Variants in ALPK2 observed in about 807,000 individuals in gnomAD.
ALPK2 encodes the protein alpha-protein kinase 2.
A neutral mutation model predicts 163.1 loss-of-function variants in ALPK2; 127 were observed. The ratio of observed to expected loss-of-function variants is 0.78; its 90% CI spans 0.67 to 0.90. The LOEUF (loss-of-function observed/expected upper bound fraction) is 0.90. Among genes scored for constraint, ALPK2 ranks in the 40% least tolerant of loss-of-function variants. The probability of loss-of-function intolerance (pLI) is 0.00; values close to 1 mark genes in which losing one functional copy is unlikely to be tolerated. For missense variants in ALPK2, 2,360 were observed against 2,589.6 expected (o/e 0.91, Z 1.92); for synonymous variants, 953 against 959.1 (o/e 0.99, Z 0.12).
chr18:58,616,571 G>A (rs1371300701), intron 1 of ALPK2, among the ~76,000 whole-genome samples: 3 of 152,200 alleles, frequency 2.0e-5, no homozygotes, highest in Non-Finnish European at 4.4e-5. Context: ...AAAGGACAGG[G>A]TCTGGGGAGC....
intron 4 of ALPK2, chr18:58,544,222 G>A (rs955841560): frequency 2.0e-5 from 3 of 152,118 alleles, no homozygotes; most frequent in African/African-American, 4.8e-5. Context: ...GAAACTTAAC[G>A]CTTGAATAGC....
intron 12 of ALPK2, among the ~76,000 whole-genome samples, chr18:58,486,857 T>A (rs2051341432): frequency 6.6e-6 from 1 of 152,214 alleles, no homozygotes; most frequent in Non-Finnish European, 1.5e-5. Flanking sequence ...TGTTCTTAGA[T>A]TGATTATCCC....
At chr18:58,557,437 G>T (rs991083731) in intron 4 of ALPK2, among the ~76,000 whole-genome samples, 28 of 152,058 alleles carry the variant, frequency 1.8e-4, no homozygotes, top group Non-Finnish European at 3.7e-4. Flanking sequence ...ATGGTGATGT[G>T]TCAATGTAGG....
chr18:58,518,724 C>A (rs1425642441), intron 8 of ALPK2, among the ~76,000 whole-genome samples: 2 of 152,184 alleles, frequency 1.3e-5, no homozygotes, highest in African/African-American at 4.8e-5. Flanking sequence ...CAGCCATTAA[C>A]AAGCATTAAT....
At chr18:58,623,045 G>A (rs558893356) in intron 1 of ALPK2, among the ~76,000 whole-genome samples, 1 of 152,154 alleles carries the variant, frequency 6.6e-6, no homozygotes, top group African/African-American at 2.4e-5. Context: ...AACTGAGCTA[G>A]AACTTATTAT....
intron 5 of ALPK2, among the ~76,000 whole-genome samples, chr18:58,532,215 G>A (rs1051812866): frequency 1.3e-5 from 2 of 152,176 alleles, no homozygotes; most frequent in African/African-American, 4.8e-5. Flanking sequence ...GGCCCTTCCA[G>A]TACAATAACC....
At chr18:58,489,277 C>T (rs193282181) in intron 12 of ALPK2, among the ~76,000 whole-genome samples, 2 of 152,230 alleles carry the variant, frequency 1.3e-5, no homozygotes, top group East Asian at 1.9e-4. Flanking sequence ...AAAGCCGTGC[C>T]GTGCCATTTC....
chr18:58,489,095 G>A (rs866995860), intron 12 of ALPK2, among the ~76,000 whole-genome samples: 1 of 152,134 alleles, frequency 6.6e-6, no homozygotes, highest in African/African-American at 2.4e-5. Context: ...GTGGAAACGC[G>A]GAGGGTGCCA....
At chr18:58,550,408 T>TCTATATCACATACAACTCCATC (rs1568082512) in intron 4 of ALPK2, among the ~76,000 whole-genome samples, 5 of 4,464 alleles carry the variant, frequency 1.1e-3, no homozygotes, top group East Asian at 6.0e-3. Flanking sequence ...TACAACCCCA[T>TCTATATCACATACAACTCCATC]CCCATTTCCA....
intron 4 of ALPK2, among the ~76,000 whole-genome samples, chr18:58,568,623 G>A (rs144580428): frequency 1.3e-5 from 2 of 152,170 alleles, no homozygotes; most frequent in East Asian, 3.9e-4. Context: ...TTAAATTTGT[G>A]GATTCAACCA....
intron 3 of ALPK2, among the ~76,000 whole-genome samples, chr18:58,600,252 G>A (rs544466418): frequency 6.6e-6 from 1 of 152,182 alleles, no homozygotes; most frequent in South Asian, 2.1e-4. Flanking sequence ...GTCCAGGCTG[G>A]TCTTGAACTC....
intron 10 of ALPK2, among the ~76,000 whole-genome samples, chr18:58,505,657 A>G (rs550953055): frequency 6.6e-6 from 1 of 151,978 alleles, no homozygotes; most frequent in East Asian, 1.9e-4. Flanking sequence ...GCCCACCCCA[A>G]CTACTGACTC....
Position 58,579,421 on chromosome 18 carries a change from G to A in ALPK2, c.1355C>T (p.Pro452Leu). Residue 452 changes from proline to leucine, a missense_variant, in exon 4 of 13, where the codon CCC becomes CTC. Physicochemically the swap from Pro to Leu is moderately conservative, Grantham distance 98. Coordinates refer to ENST00000361673, the MANE Select transcript of ALPK2 (RefSeq NM_052947.4). ...SVTEQGRYKL[P>L]TAPEAAENDY... ...ATTTTCAGCAGCCTCGGGAGCAGTG[G>A]GGAGTTTATATCTCCCCTGTTCTGT... 1 of 1,614,128 alleles carries A rather than the reference G, an allele frequency of 6.2e-7. No homozygotes were observed.
intron 10 of ALPK2, 56 bp downstream of exon 10, chr18:58,514,937 C>G: frequency 2.9e-6 from 4 of 1,386,810 alleles, no homozygotes; most frequent in Non-Finnish European, 4.0e-6. Flanking sequence ...CTCTCTCGTC[C>G]CTCCTAGTCC....
At chr18:58,512,968 TGTGTATGTGTG>T (rs1013445772) in intron 10 of ALPK2, among the ~76,000 whole-genome samples, 15 of 131,728 alleles carry the variant, frequency 1.1e-4, no homozygotes, top group Non-Finnish European at 2.3e-4. Context: ...ATGTGTGGTG[TGTGTATGTGTG>T]GTGTGTGTGT....
In ALPK2 at chr18:58,537,121, G is replaced by C; in HGVS notation, c.3066C>G (p.Tyr1022Ter). The change falls in exon 5 of 13, where the codon TAC (tyrosine) becomes TAG (stop). Residue 1022 changes from tyrosine to a stop codon, truncating the protein, a stop_gained. Coordinates refer to ENST00000361673, the MANE Select transcript of ALPK2 (RefSeq NM_052947.4). LOFTEE classifies it high-confidence loss of function. The stretch of plus-strand genomic sequence containing the variant: ...TGTCCTCAGGAATTGACACAGCAAG[G>C]TATTTGGCTGGGTGGACTTCGGTGG... Reference protein sequence around the residue: ...TIATEVHPAKYLAVSIPEDKH... With the variant: ...TIATEVHPAK 6.2e-7 allele frequency: 1 copy of C among 1,614,160 alleles called. No homozygotes were observed. Among genetic ancestry groups the C allele is most frequent in the Non-Finnish European group, 8.5e-7 (1 of 1,179,988 alleles).
intron 6 of ALPK2, among the ~76,000 whole-genome samples, chr18:58,526,988 A>G (rs1023387402): frequency 6.6e-6 from 1 of 151,786 alleles, no homozygotes; most frequent in African/African-American, 2.4e-5. Context: ...AAAGTTTATT[A>G]CCTGTCAAAC....
At chr18:58,508,073 G>A (rs2051470530) in intron 10 of ALPK2, among the ~76,000 whole-genome samples, 1 of 152,132 alleles carries the variant, frequency 6.6e-6, no homozygotes, top group South Asian at 2.1e-4. Flanking sequence ...CACCCAGACT[G>A]GTAAAACTGG....
chr18:58,578,733 G>GACACACACACACACACAC (rs71173065), intron 4 of ALPK2, 81 bp downstream of exon 4: 11,635 of 531,270 alleles, frequency 0.022, 378 homozygotes, highest in African/African-American at 0.057. Flanking sequence ...TAAAGGAAGA[G>GACACACACACACACACAC]ACACACACAC....
Sources: gnomAD v4.1 joint callset for allele counts (sites outside exome capture counted in the v4.1 genomes callset) on GRCh38, gnomAD v4.1.1 for gene constraint, MANE v1.5 for transcripts, NCBI Gene and HGNC (gene_info 2026-07-23, HGNC 2026-07-21) for gene names.